The following AKAP9 variants were observed in gnomAD, a reference collection of about 807,000 sequenced individuals.
The protein encoded by AKAP9 is A-kinase anchoring protein 9.
A neutral mutation model predicts 488.5 loss-of-function variants in AKAP9; 311 were observed. The ratio of observed to expected loss-of-function variants is 0.64; its 90% CI spans 0.58 to 0.70. The LOEUF (loss-of-function observed/expected upper bound fraction) is 0.70, where lower values mean the gene tolerates loss of function less well. Ranked by LOEUF, AKAP9 falls within the 30% of genes least tolerant of loss-of-function variation. The probability of loss-of-function intolerance (pLI) is 0.00; values close to 1 mark genes in which losing one functional copy is unlikely to be tolerated. For missense variants in AKAP9, 4,215 were observed against 4,374.5 expected, an observed-to-expected ratio of 0.96 and a Z score of 1.03; for synonymous variants, 1,462 against 1,483.5, an observed-to-expected ratio of 0.99 and a Z score of 0.33.
intron 22 of AKAP9, among the ~76,000 whole-genome samples, chr7:92,053,232 A>G (rs1203857983): frequency 2.0e-5 from 3 of 152,138 alleles, no homozygotes; most frequent in Admixed American, 2.0e-4. Flanking sequence ...TTGTACTTTC[A>G]TATATGAAAA....
intron 27 of AKAP9, 143 bp downstream of exon 27, chr7:92,070,349 A>G (rs1811489017): frequency 1.0e-6 from 1 of 957,722 alleles, no homozygotes; most frequent in Middle Eastern, 3.0e-4. Context: ...TTATTTCCAA[A>G]TGTTGCTTGC....
At position 91,984,218 on chromosome 7, in the gene AKAP9, A is replaced by G. The variant is rs187025902; in HGVS notation, c.351+3885A>G. 7.5e-3 allele frequency among the ~76,000 whole-genome samples: 1,144 copies of G among 151,778 alleles called. 8 individuals carry two copies. Among genetic ancestry groups the G allele is most frequent in the Non-Finnish European group, 0.014 (942 of 67,734 alleles). On this transcript the variant is annotated intron_variant, in intron 3 of 49. Transcript: ENST00000356239. ...TGAAGTCCTTGCCCATGCCTGACCTAAAGGTTATTGCCTAGGTTTTCTTCT... is the reference window on the plus strand; with the variant it reads ...TGAAGTCCTTGCCCATGCCTGACCTGAAGGTTATTGCCTAGGTTTTCTTCT...
At chr7:92,098,723 T>C (rs1234041152) in intron 43 of AKAP9, among the ~76,000 whole-genome samples, 1 of 152,200 alleles carries the variant, frequency 6.6e-6, no homozygotes, top group East Asian at 1.9e-4. Context: ...TTCCTTCTTT[T>C]CTCTAACCTA....
chr7:92,047,214 G>A lies in AKAP9; in HGVS notation c.5368+2001G>A, dbSNP rs547495961. Among the ~76,000 whole-genome samples the A allele has an allele frequency of 3.3e-5, 5 of 151,924 alleles. No homozygotes were observed. The East Asian group carries it at 9.7e-4, about 29-fold the overall frequency. ...TATCCTATTTTAAGATACAGTAATG[G>A]TTTTCTTTCCTTTTTTTTTTCCTTT... is the stretch of plus-strand genomic sequence containing the variant. On this transcript the variant is annotated intron_variant, in intron 21 of 49. Coordinates refer to ENST00000356239, the MANE Select transcript of AKAP9 (RefSeq NM_005751.5).
intron 22 of AKAP9, chr7:92,058,445 C>T (rs1433058177): frequency 9.0e-6 from 4 of 445,944 alleles, no homozygotes; most frequent in Admixed American, 8.6e-5. Flanking sequence ...TTTAGTTAAA[C>T]ACTATAATGA....
chr7:91,947,233 A>G (rs574390121), intron 1 of AKAP9, among the ~76,000 whole-genome samples: 3 of 151,624 alleles, frequency 2.0e-5, no homozygotes, highest in African/African-American at 2.4e-5. Flanking sequence ...TAATACTGCT[A>G]TCTGGTCTGG....
chr7:92,078,263 G>T (rs1006006237), intron 30 of AKAP9, among the ~76,000 whole-genome samples: 2 of 152,008 alleles, frequency 1.3e-5, no homozygotes, highest in Non-Finnish European at 1.5e-5. Flanking sequence ...CTCCCAAAGT[G>T]CTGGTATTAC....
chr7:92,097,871 C>T, intron 42 of AKAP9, 77 bp downstream of exon 42: 1 of 1,426,712 alleles, frequency 7.0e-7, no homozygotes, highest in Non-Finnish European at 9.9e-7. Context: ...GGACAGCTAG[C>T]CAAGGGTGGG....
At chr7:92,101,732 C>T (rs78138888) in intron 45 of AKAP9, among the ~76,000 whole-genome samples, 6,550 of 152,254 alleles carry the variant, frequency 0.043, 197 homozygotes, top group Non-Finnish European at 0.067. Context: ...AAAGCCTCTC[C>T]GGTGACTAAT....
intron 9 of AKAP9, among the ~76,000 whole-genome samples, chr7:92,013,022 C>T (rs924459605): frequency 1.5e-4 from 16 of 105,130 alleles, no homozygotes; most frequent in African/African-American, 4.9e-4. Flanking sequence ...GACGGAGTCT[C>T]GCTCTGTCGC....
intron 46 of AKAP9, among the ~76,000 whole-genome samples, chr7:92,103,431 C>T (rs1047053998): frequency 2.7e-5 from 4 of 145,814 alleles, no homozygotes; most frequent in African/African-American, 5.1e-5. Context: ...CATGGTGGCT[C>T]ACACCTGTAA....
intron 25 of AKAP9, 38 bp downstream of exon 25, chr7:92,065,501 G>A (rs1271728953): frequency 7.0e-7 from 1 of 1,428,862 alleles, no homozygotes; most frequent in African/African-American, 1.4e-5. Flanking sequence ...TTTTCTCAGT[G>A]GAATGTTCTT....
chr7:92,058,925 A>G (rs1016759697), intron 22 of AKAP9, among the ~76,000 whole-genome samples: 1 of 152,026 alleles, frequency 6.6e-6, no homozygotes, highest in Non-Finnish European at 1.5e-5. Context: ...TTGTGGAACA[A>G]GACCCTTTTC....
chr7:92,097,228 A>G lies in AKAP9; in HGVS notation c.10269A>G (p.Arg3423=), dbSNP rs1174311100. The change falls in exon 41 of 50, where the codon AGA becomes AGG. Residue 3423 remains arginine (R), a synonymous_variant. Transcript: ENST00000356239. The part of the protein sequence containing the change: ...EDLQRQLEEK[R]QQVYKLDLEG... ...TTCAGCGCCAGCTGGAAGAGAAAAGACAACAAGTTTATAAGTTAGACCTTG... is the reference window on the plus strand; with the variant it reads ...TTCAGCGCCAGCTGGAAGAGAAAAGGCAACAAGTTTATAAGTTAGACCTTG... The G allele has an allele frequency of 2.5e-6, 4 of 1,612,726 alleles. No individual in the cohort carries two copies. Among genetic ancestry groups the G allele is most frequent in the Non-Finnish European group, 3.4e-6 (4 of 1,179,700 alleles).
chr7:92,097,294 G>A lies in AKAP9; in HGVS notation c.10335G>A (p.Lys3445=), dbSNP rs755614570. 15 of 1,613,738 alleles carry A rather than the reference G, an allele frequency of 9.3e-6. No individual in the cohort carries two copies. Among genetic ancestry groups the A allele is most frequent in the Non-Finnish European group, 1.3e-5 (15 of 1,180,002 alleles). The change falls in exon 41 of 50, where the codon AAG becomes AAA. Residue 3445 remains lysine (K), a synonymous_variant. Transcript: ENST00000356239. ...AAGGAATCATGCAGGAATTCCAGAA[G>A]CAAGAACTAGAACGAGAAGAAAAAC... ...RLQGIMQEFQ[K]QELEREEKRE...
intron 1 of AKAP9, among the ~76,000 whole-genome samples, chr7:91,959,726 TA>T (rs1008964248): frequency 1.3e-4 from 20 of 151,648 alleles, no homozygotes; most frequent in Admixed American, 7.9e-4. Context: ...AACCTTTATT[TA>T]AAAAAAAATT....
chr7:92,047,343 A>C (rs949181831), intron 21 of AKAP9, among the ~76,000 whole-genome samples: 1 of 151,996 alleles, frequency 6.6e-6, no homozygotes, highest in Non-Finnish European at 1.5e-5. Context: ...CAGCCTCCCA[A>C]GTAGCTGGGA....
chr7:92,102,376 A>C (rs558656617), intron 45 of AKAP9, among the ~76,000 whole-genome samples: 38 of 151,460 alleles, frequency 2.5e-4, no homozygotes, highest in African/African-American at 8.7e-4. Flanking sequence ...AAAAGTGTAA[A>C]GGTTAATTTA....
rs894809506 is a variant in AKAP9 at position 91,941,161 on chromosome 7, A to T, written c.48+14A>T. 5 of 1,613,040 alleles carry T rather than the reference A, an allele frequency of 3.1e-6. No homozygotes were observed. The highest frequency in any genetic ancestry group is 2.5e-6 in the Non-Finnish European group (3 of 1,179,196). On this transcript the variant is annotated intron_variant, in intron 1 of 49. Transcript: ENST00000356239. Reference sequence around the variant, plus strand: ...GGCAAAGCCAAGGTAGGAGAGCCCGAGGCAACCGGGCCTGCGGTGGGAGGC... The same window carrying T: ...GGCAAAGCCAAGGTAGGAGAGCCCGTGGCAACCGGGCCTGCGGTGGGAGGC...
Sources: gnomAD v4.1 joint callset for allele counts (sites outside exome capture counted in the v4.1 genomes callset) on GRCh38, gnomAD v4.1.1 for gene constraint, MANE v1.5 for transcripts, NCBI Gene and HGNC (gene_info 2026-07-23, HGNC 2026-07-21) for gene names.